Variants in LMBRD1 observed in about 807,000 individuals in gnomAD.
The protein encoded by LMBRD1 is LMBR1 domain containing 1, also known as lysosomal cobalamin transport escort protein LMBD1.
In LMBRD1, 64 loss-of-function variants were observed where a neutral mutation model predicts 74.8. That is an observed-to-expected ratio of 0.86 (90% CI 0.70 to 1.05). LMBRD1 has a LOEUF of 1.05. LMBRD1 is among the 50% of genes least tolerant of loss of function. LMBRD1 has a pLI of 0.00. For synonymous variants in LMBRD1, 204 were observed against 216.3 expected, an observed-to-expected ratio of 0.94 and a Z score of 0.50; for missense variants, 652 against 645.9, an observed-to-expected ratio of 1.01 and a Z score of -0.10.
At chr6:69,709,405 A>G (rs1766335521) in intron 9 of LMBRD1, among the ~76,000 whole-genome samples, 1 of 152,202 alleles carries the variant, frequency 6.6e-6, no homozygotes, top group Non-Finnish European at 1.5e-5. Context: ...CAATTACATA[A>G]CGATCAGTTT....
chr6:69,732,142 A>G (rs938530783), intron 7 of LMBRD1, among the ~76,000 whole-genome samples: 10 of 152,186 alleles, frequency 6.6e-5, no homozygotes, highest in Admixed American at 1.3e-4. Context: ...AATATTATTG[A>G]GAACCACTGC....
At chr6:69,710,816 G>C (rs1766366466) in intron 9 of LMBRD1, among the ~76,000 whole-genome samples, 1 of 152,130 alleles carries the variant, frequency 6.6e-6, no homozygotes, top group Non-Finnish European at 1.5e-5. Context: ...CTACATAAGA[G>C]TTGACAAGAA....
intron 7 of LMBRD1, among the ~76,000 whole-genome samples, chr6:69,737,098 T>C (rs756258864): frequency 6.6e-6 from 1 of 152,162 alleles, no homozygotes. Flanking sequence ...CTTACGATAA[T>C]AGCCATTTCC....
intron 9 of LMBRD1, among the ~76,000 whole-genome samples, chr6:69,704,517 C>T (rs1766205838): frequency 1.3e-5 from 2 of 148,356 alleles, no homozygotes; most frequent in Admixed American, 1.4e-4. Flanking sequence ...CAAACTGGTT[C>T]CTTTTATTAT....
chr6:69,732,541 CA>C (rs1488205495), intron 7 of LMBRD1, among the ~76,000 whole-genome samples: 2 of 152,168 alleles, frequency 1.3e-5, no homozygotes, highest in East Asian at 3.9e-4. Context: ...GACATGGAGG[CA>C]AACCAACATT....
Position 69,696,139 on chromosome 6 carries a change from TAATC to T in LMBRD1, c.1417+1420_1417+1423del, listed in dbSNP as rs1765992240. ...TTATCTCAGCTGGTAACACCAAAAT[TAATC>T]AAAGTACTCAGTAACTAGAGTGTCA... On this transcript the variant is annotated intron_variant, in intron 14 of 15. Coordinates refer to ENST00000649934, the MANE Select transcript of LMBRD1 (RefSeq NM_018368.4). Among the ~76,000 whole-genome samples the T allele has an allele frequency of 2.6e-5, 4 of 152,196 alleles. No homozygotes were observed. In the South Asian group the frequency reaches 8.3e-4, roughly 31 times the overall value.
In LMBRD1 at chr6:69,675,249, G is replaced by A. The variant is rs2149831700; in HGVS notation, c.*909C>T. ...TATATACTTTTTTATGAGTTCTAAT[G>A]TGCTTATGTTAGTAAACTAGAATAT... On this transcript the variant is annotated 3_prime_UTR_variant, in exon 16 of 16. Coordinates refer to ENST00000649934, the MANE Select transcript of LMBRD1 (RefSeq NM_018368.4). Among the ~76,000 whole-genome samples, 1 of 152,176 alleles carries A rather than the reference G, an allele frequency of 6.6e-6. No homozygotes were observed. The highest frequency in any genetic ancestry group is 2.1e-4 in the South Asian group (1 of 4,824).
chr6:69,719,440 T>G (rs1330783238), intron 7 of LMBRD1, among the ~76,000 whole-genome samples: 3 of 152,116 alleles, frequency 2.0e-5, no homozygotes, highest in Non-Finnish European at 4.4e-5. Context: ...AAAAAACAAT[T>G]TTCTCCAAGT....
intron 3 of LMBRD1, among the ~76,000 whole-genome samples, chr6:69,769,062 T>A (rs1356827420): frequency 6.6e-6 from 1 of 152,148 alleles, no homozygotes; most frequent in African/African-American, 2.4e-5. Flanking sequence ...GATGGGTAGA[T>A]TGCTTTTTGG....
chr6:69,724,501 A>T (rs1215785973), intron 7 of LMBRD1, among the ~76,000 whole-genome samples: 2 of 140,206 alleles, frequency 1.4e-5, no homozygotes, highest in African/African-American at 5.2e-5. Flanking sequence ...GGTTCATTTG[A>T]TTTGTATTTG....
At chr6:69,786,459 A>T (rs897195062) in intron 2 of LMBRD1, among the ~76,000 whole-genome samples, 1 of 151,620 alleles carries the variant, frequency 6.6e-6, no homozygotes, top group African/African-American at 2.4e-5. Context: ...TAAAAGAAAG[A>T]ATATTTATTC....
At chr6:69,698,664 G>T (rs950236830) in intron 13 of LMBRD1, among the ~76,000 whole-genome samples, 1 of 151,796 alleles carries the variant, frequency 6.6e-6, no homozygotes, top group African/African-American at 2.4e-5. Flanking sequence ...TCTTCTAGGG[G>T]ATTCATAGTG....
At position 69,724,497 on chromosome 6, in the gene LMBRD1, T is replaced by G. The variant is rs192360033; in HGVS notation, c.637-5416A>C. On this transcript the variant is annotated intron_variant, in intron 7 of 15. Transcript: ENST00000649934. ...TCCCTGAGATGCAAGGGATGGTTCA[T>G]TTGATTTGTATTTGTTGAACCATCC... Among the ~76,000 whole-genome samples, 535 of 142,066 alleles carry G rather than the reference T, an allele frequency of 3.8e-3. 2 individuals are homozygous for G. The highest frequency in any genetic ancestry group is 6.5e-3 in the Non-Finnish European group (409 of 63,304). 93.2% of individuals were successfully genotyped at this position (142,066 alleles called of 152,430 possible).
chr6:69,704,919 T>TTTC (rs1554232079), intron 9 of LMBRD1, among the ~76,000 whole-genome samples: 6 of 150,454 alleles, frequency 4.0e-5, no homozygotes, highest in Non-Finnish European at 7.4e-5. Flanking sequence ...TTTTTTTTTT[T>TTTC]CCACTTTTAC....
chr6:69,681,180 G>T (rs1212037117), intron 14 of LMBRD1, among the ~76,000 whole-genome samples: 4 of 151,690 alleles, frequency 2.6e-5, no homozygotes, highest in Non-Finnish European at 5.9e-5. Context: ...TTTTTTTTCT[G>T]ATGAGAAAGT....
At chr6:69,707,310 T>A (rs771017918) in intron 9 of LMBRD1, among the ~76,000 whole-genome samples, 2 of 152,174 alleles carry the variant, frequency 1.3e-5, no homozygotes, top group African/African-American at 4.8e-5. Flanking sequence ...TGAGCCCACC[T>A]GAATAACCCA....
intron 14 of LMBRD1, 104 bp from the exon 15 acceptor site, chr6:69,676,645 A>T: frequency 2.2e-6 from 2 of 899,580 alleles, no homozygotes; most frequent in Non-Finnish European, 1.8e-6. Context: ...GACTAAGATC[A>T]TATGGCTAGT....
At chr6:69,735,334 G>T (rs569330240) in intron 7 of LMBRD1, among the ~76,000 whole-genome samples, 1 of 151,918 alleles carries the variant, frequency 6.6e-6, no homozygotes, top group Admixed American at 6.6e-5. Context: ...GAGGAAACCA[G>T]AGTACCCAGA....
At chr6:69,730,585 T>C (rs749041849) in intron 7 of LMBRD1, among the ~76,000 whole-genome samples, 2 of 152,108 alleles carry the variant, frequency 1.3e-5, no homozygotes, top group African/African-American at 2.4e-5. Context: ...ATTCACAAAT[T>C]TGGTCACAGC....
Sources: allele counts gnomAD v4.1 joint callset (sites outside exome capture counted in the v4.1 genomes callset), GRCh38; gene constraint gnomAD v4.1.1; transcripts MANE v1.5; gene names NCBI Gene and HGNC (gene_info 2026-07-23, HGNC 2026-07-21).